AGBL1: variants seen among roughly 807,000 people sequenced by gnomAD.
AGBL1 encodes cytosolic carboxypeptidase 4.
AGBL1 carries 130 observed loss-of-function variants against 118.9 expected under a neutral mutation model. That is an observed-to-expected ratio of 1.09 (90% CI 0.95 to 1.26). AGBL1 has a LOEUF of 1.26. Among genes scored for constraint, AGBL1 ranks in the 50% most tolerant of loss-of-function variants. The pLI, the probability that AGBL1 is intolerant of heterozygous loss-of-function variation, is 0.00. For synonymous variants in AGBL1, 555 were observed against 478.9 expected, an observed-to-expected ratio of 1.16 and a Z score of -2.08; for missense variants, 1,584 against 1,298.1, an observed-to-expected ratio of 1.22 and a Z score of -3.38.
intron 24 of AGBL1, among the ~76,000 whole-genome samples, chr15:87,024,138 C>G (rs951467761): frequency 6.6e-6 from 1 of 151,714 alleles, no homozygotes; most frequent in African/African-American, 2.4e-5. Flanking sequence ...AATATCAGAG[C>G]AGAACTAAAT....
In AGBL1 at chr15:86,154,511, G is replaced by T; in HGVS notation, c.344G>T (p.Gly115Val). Residue 115 changes from glycine (G) to valine (V), a missense_variant, in exon 4 of 23, where the codon GGC (glycine) becomes GTC (valine). Coordinates refer to ENST00000614907, the MANE Select transcript of AGBL1 (RefSeq NM_001386094.1). ...LILARKNLSHGQNLLHCLWAL... is the reference protein window; with the variant it reads ...LILARKNLSHVQNLLHCLWAL... The stretch of plus-strand genomic sequence containing the variant: ...CTGGCCAGGAAGAACCTATCCCATG[G>T]CCAGAATCTCCTCCACTGTCTCTGG... 6.2e-7 allele frequency: 1 copy of T among 1,613,100 alleles called. No homozygotes were observed. The highest frequency in any genetic ancestry group is 8.5e-7 in the Non-Finnish European group (1 of 1,179,570).
At chr15:86,262,644 A>T in intron 9 of AGBL1, 134 bp from the exon 10 acceptor site, 1 of 706,894 alleles carries the variant, frequency 1.4e-6, no homozygotes, top group East Asian at 2.7e-5. Context: ...TCTTCACTGG[A>T]TGGGCCAGTG....
chr15:86,715,835 G>C (rs1044302512), intron 22 of AGBL1, among the ~76,000 whole-genome samples: 1 of 152,026 alleles, frequency 6.6e-6, no homozygotes, highest in African/African-American at 2.4e-5. Context: ...GAGGCGGGCG[G>C]ATCACAAGGT....
chr15:86,464,567 G>T (rs1432344357), intron 18 of AGBL1, among the ~76,000 whole-genome samples: 1 of 152,116 alleles, frequency 6.6e-6, no homozygotes, highest in Non-Finnish European at 1.5e-5. Flanking sequence ...TATGATATTG[G>T]CTGTGGGTTT....
At chr15:86,269,818 T>C (rs2079129372) in intron 13 of AGBL1, 101 bp from the exon 14 acceptor site, 2 of 1,345,740 alleles carry the variant, frequency 1.5e-6, no homozygotes, top group Non-Finnish European at 2.0e-6. Flanking sequence ...TCCTGGGTCT[T>C]AGATCTGTAA....
intron 8 of AGBL1, among the ~76,000 whole-genome samples, chr15:86,257,594 G>A (rs944507368): frequency 1.3e-5 from 2 of 152,154 alleles, no homozygotes; most frequent in African/African-American, 2.4e-5. Context: ...CTCAATCAAG[G>A]TGATATTTAG....
intron 5 of AGBL1, among the ~76,000 whole-genome samples, chr15:86,216,917 G>A (rs1009434113): frequency 6.6e-6 from 1 of 152,116 alleles, no homozygotes. Context: ...CAGGGCTATT[G>A]TCACCTTACA....
At chr15:86,173,542 C>T (rs1410317393) in intron 5 of AGBL1, among the ~76,000 whole-genome samples, 2 of 152,002 alleles carry the variant, frequency 1.3e-5, no homozygotes, top group Non-Finnish European at 2.9e-5. Context: ...AAGAATTTCT[C>T]CAGTGTTTTC....
chr15:86,692,545 G>A (rs1158500083), intron 22 of AGBL1, among the ~76,000 whole-genome samples: 2 of 152,000 alleles, frequency 1.3e-5, no homozygotes, highest in African/African-American at 2.4e-5. Flanking sequence ...GGGAGGTTGA[G>A]GAATAAATAC....
chr15:86,340,300 C>G (rs1481211513), intron 17 of AGBL1, among the ~76,000 whole-genome samples: 1 of 151,882 alleles, frequency 6.6e-6, no homozygotes, highest in East Asian at 1.9e-4. Context: ...CACTGCCCCC[C>G]CCCCATTCAT....
At chr15:86,161,730 C>A (rs533055287) in intron 5 of AGBL1, among the ~76,000 whole-genome samples, 1 of 152,148 alleles carries the variant, frequency 6.6e-6, no homozygotes, top group Non-Finnish European at 1.5e-5. Context: ...CTTTTGAATT[C>A]TTTCCCAAAG....
At chr15:86,550,158 G>C (rs1254623782) in intron 20 of AGBL1, among the ~76,000 whole-genome samples, 5 of 150,898 alleles carry the variant, frequency 3.3e-5, no homozygotes, top group Admixed American at 2.7e-4. Context: ...CAAAAAGAGA[G>C]GAAAATAAAT....
intron 18 of AGBL1, among the ~76,000 whole-genome samples, chr15:86,442,123 G>A (rs1218730081): frequency 1.3e-5 from 2 of 152,240 alleles, no homozygotes. Context: ...GGAGCCGGGA[G>A]GCTGTGCCTT....
intron 5 of AGBL1, among the ~76,000 whole-genome samples, chr15:86,214,324 T>C (rs1441103646): frequency 6.6e-6 from 1 of 152,226 alleles, no homozygotes; most frequent in East Asian, 1.9e-4. Context: ...ATTTGACTTA[T>C]AAGAGTTCAA....
At chr15:86,478,704 A>G (rs915412500) in intron 18 of AGBL1, among the ~76,000 whole-genome samples, 21 of 152,334 alleles carry the variant, frequency 1.4e-4, no homozygotes, top group African/African-American at 4.6e-4. Flanking sequence ...GCTACCAATG[A>G]CTTTCTTCAC....
At chr15:86,788,079 A>T (rs114627438) in intron 22 of AGBL1, among the ~76,000 whole-genome samples, 8 of 152,118 alleles carry the variant, frequency 5.3e-5, no homozygotes, top group African/African-American at 1.9e-4. Flanking sequence ...AGGAAATGGG[A>T]GATGCTGGCC....
chr15:86,494,371 A>C (rs1265865432), intron 18 of AGBL1, among the ~76,000 whole-genome samples: 1 of 152,058 alleles, frequency 6.6e-6, no homozygotes, highest in Non-Finnish European at 1.5e-5. Context: ...TATAAAGTGT[A>C]GAATTTTGTA....
chr15:86,109,976 A>G (rs1034790184), intron 1 of AGBL1: 1 of 152,032 alleles, frequency 6.6e-6, no homozygotes, highest in Non-Finnish European at 1.5e-5. Context: ...CCTCAACTCA[A>G]CTCCAAAGCC....
intron 21 of AGBL1, among the ~76,000 whole-genome samples, chr15:86,595,681 C>G (rs865829393): frequency 6.6e-6 from 1 of 152,146 alleles, no homozygotes; most frequent in South Asian, 2.1e-4. Context: ...ACAGATAAAA[C>G]CAATTTACTG....
Sources: gnomAD v4.1 joint callset for allele counts (sites outside exome capture counted in the v4.1 genomes callset) on GRCh38, gnomAD v4.1.1 for gene constraint, MANE v1.5 for transcripts, NCBI Gene and HGNC (gene_info 2026-07-23, HGNC 2026-07-21) for gene names.